TRAK1: variants seen among roughly 807,000 people sequenced by gnomAD.
TRAK1 encodes the protein trafficking kinesin protein 1.
Under a neutral mutation model 92.1 loss-of-function variants are expected in TRAK1, and 33 were observed. The ratio of observed to expected loss-of-function variants is 0.36; its 90% CI spans 0.27 to 0.48. TRAK1 has a LOEUF of 0.48. Among genes scored for constraint, TRAK1 ranks in the 20% least tolerant of loss-of-function variants. The pLI is 0.99. For missense variants in TRAK1, 1,123 were observed against 1,257.9 expected (o/e 0.89, Z 1.62); for synonymous variants, 521 against 517.3 (o/e 1.01, Z -0.10).
chr3:42,154,836 A>G (rs761210767), intron 2 of TRAK1, among the ~76,000 whole-genome samples: 1 of 152,204 alleles, frequency 6.6e-6, no homozygotes, highest in Non-Finnish European at 1.5e-5. Flanking sequence ...AGTGAGGAAC[A>G]TTGAGCATCA....
upstream of TRAK1, chr3:42,087,014 G>T (rs73828532): frequency 1.3e-5 from 2 of 152,196 alleles, no homozygotes. Flanking sequence ...CAGTCTGAAC[G>T]CACGTCATCC....
chr3:42,111,397 TC>T (rs891130336), intron 1 of TRAK1, among the ~76,000 whole-genome samples: 1 of 105,336 alleles, frequency 9.5e-6, no homozygotes, highest in African/African-American at 3.8e-5. Context: ...GTTATGATAA[TC>T]CTTTTTTTTT....
chr3:42,174,787 G>A (rs1702991035), intron 2 of TRAK1, among the ~76,000 whole-genome samples: 1 of 150,234 alleles, frequency 6.7e-6, no homozygotes, highest in South Asian at 2.1e-4. Flanking sequence ...GGCTAGTCTC[G>A]AATTTCTAAC....
chr3:42,151,370 C>A (rs1413507922), intron 2 of TRAK1: 1 of 456,546 alleles, frequency 2.2e-6, no homozygotes, highest in Non-Finnish European at 4.4e-6. Flanking sequence ...CCTGAGAGAC[C>A]CTGATCTGTC....
At chr3:42,149,658 G>T (rs1699733650) in intron 2 of TRAK1, 4 of 1,534,844 alleles carry the variant, frequency 2.6e-6, no homozygotes, top group Admixed American at 2.0e-5. Flanking sequence ...CTCCTTCTGG[G>T]TGGGGGGTGT....
intron 2 of TRAK1, among the ~76,000 whole-genome samples, chr3:42,142,117 G>C (rs531490649): frequency 7.2e-5 from 11 of 152,292 alleles, no homozygotes; most frequent in Non-Finnish European, 1.6e-4. Context: ...GGGTGACAGA[G>C]TGAGACTCTG....
intron 2 of TRAK1, chr3:42,160,157 C>A: frequency 7.6e-7 from 1 of 1,308,858 alleles, no homozygotes. Context: ...CACCCCCTTC[C>A]GGGTCCTGCC....
intron 1 of TRAK1, among the ~76,000 whole-genome samples, chr3:42,069,286 A>G (rs1703809469): frequency 6.8e-6 from 1 of 147,916 alleles, no homozygotes; most frequent in African/African-American, 2.5e-5. Context: ...GTGTCACTTT[A>G]CTCCAGCCTG....
intron 1 of TRAK1, among the ~76,000 whole-genome samples, chr3:42,031,769 A>G (rs1702155971): frequency 6.6e-6 from 1 of 152,100 alleles, no homozygotes; most frequent in South Asian, 2.1e-4. Flanking sequence ...TCCTTTTAAG[A>G]GTGGGGCTGT....
chr3:42,150,602 G>A (rs565971861), intron 2 of TRAK1, among the ~76,000 whole-genome samples: 2 of 152,262 alleles, frequency 1.3e-5, no homozygotes, highest in African/African-American at 4.8e-5. Flanking sequence ...CTCTATTCCT[G>A]ACTACATTTG....
intron 1 of TRAK1, among the ~76,000 whole-genome samples, chr3:42,049,310 C>T (rs954489832): frequency 1.5e-5 from 2 of 137,736 alleles, no homozygotes; most frequent in Admixed American, 6.7e-5. Context: ...GGTTCCTCTT[C>T]CTTTTTTATG....
intron 1 of TRAK1, among the ~76,000 whole-genome samples, chr3:42,031,369 T>A (rs1702140069): frequency 6.6e-6 from 1 of 150,986 alleles, no homozygotes; most frequent in Non-Finnish European, 1.5e-5. Context: ...TTTCCAAAGA[T>A]TCCTGACTGG....
chr3:42,045,422 C>T (rs970945952), intron 1 of TRAK1, among the ~76,000 whole-genome samples: 2 of 152,156 alleles, frequency 1.3e-5, no homozygotes, highest in Non-Finnish European at 2.9e-5. Context: ...GTAATCCCAG[C>T]TACTAGGGAG....
Position 42,053,878 on chromosome 3 carries a change from A to G in TRAK1, c.-518-33226A>G, listed in dbSNP as rs529502530. On this transcript the variant is annotated intron_variant, in intron 1 of 16. Coordinates refer to the TRAK1 transcript ENST00000487159. Reference sequence around the variant, plus strand: ...TTGGGACCAAAATCTCTGGCCCTGCAATCAGTCTGCCCTACTCTGATGCTT... The same window carrying G: ...TTGGGACCAAAATCTCTGGCCCTGCGATCAGTCTGCCCTACTCTGATGCTT... Among the ~76,000 whole-genome samples, 3 of 152,280 alleles carry G rather than the reference A, an allele frequency of 2.0e-5. No homozygotes were observed. In the South Asian group the frequency reaches 6.2e-4, roughly 32 times the overall value.
intron 1 of TRAK1, among the ~76,000 whole-genome samples, chr3:42,095,943 C>G (rs900539366): frequency 6.6e-6 from 1 of 152,212 alleles, no homozygotes; most frequent in African/African-American, 2.4e-5. Flanking sequence ...CTGTTCTACC[C>G]TGTGAGGACA....
intron 15 of TRAK1, among the ~76,000 whole-genome samples, 194 bp downstream of exon 15, chr3:42,219,790 T>G (rs1400788100): frequency 3.5e-4 from 37 of 106,098 alleles, no homozygotes; most frequent in African/African-American, 2.1e-3. Flanking sequence ...TTATGTGTTT[T>G]TTTTTTTTTT....
chr3:42,112,762 T>G (rs1441757190), intron 1 of TRAK1, among the ~76,000 whole-genome samples: 1 of 138,870 alleles, frequency 7.2e-6, no homozygotes, highest in Non-Finnish European at 1.6e-5. Flanking sequence ...AAAAACCAAC[T>G]AATTTTTTGT....
At chr3:42,034,198 G>C (rs1324950071) in intron 1 of TRAK1, among the ~76,000 whole-genome samples, 1 of 152,182 alleles carries the variant, frequency 6.6e-6, no homozygotes, top group Non-Finnish European at 1.5e-5. Context: ...GCAGGACTCT[G>C]CCCCTGCCTT....
At chr3:42,212,908 ACAGT>A (rs1180949905) in intron 14 of TRAK1, among the ~76,000 whole-genome samples, 10 of 152,192 alleles carry the variant, frequency 6.6e-5, no homozygotes, top group Admixed American at 1.3e-4. Context: ...GAGAAAATTG[ACAGT>A]CAGTTTATTT....
Sources: allele counts gnomAD v4.1 joint callset (sites outside exome capture counted in the v4.1 genomes callset), GRCh38; gene constraint gnomAD v4.1.1; transcripts MANE v1.5; gene names NCBI Gene and HGNC (gene_info 2026-07-23, HGNC 2026-07-21).